SPON1: variants seen among roughly 807,000 people sequenced by gnomAD.
SPON1 encodes spondin-1.
SPON1 carries 52 observed loss-of-function variants against 111.7 expected under a neutral mutation model. The ratio of observed to expected loss-of-function variants is 0.47; its 90% CI spans 0.37 to 0.59. The LOEUF (loss-of-function observed/expected upper bound fraction) is 0.59. SPON1 is among the 20% of genes least tolerant of loss of function. SPON1 has a pLI of 0.00. For synonymous variants in SPON1, 410 were observed against 395.8 expected, an observed-to-expected ratio of 1.04 and a Z score of -0.43; for missense variants, 957 against 1,068.5, an observed-to-expected ratio of 0.90 and a Z score of 1.46.
chr11:14,060,781 T>A (rs1233354967), intron 3 of SPON1, among the ~76,000 whole-genome samples: 4 of 152,196 alleles, frequency 2.6e-5, no homozygotes, highest in African/African-American at 9.6e-5. Flanking sequence ...TAGTTATCAC[T>A]GTCATACTGG....
chr11:14,043,667 C>G (rs1468778624), intron 3 of SPON1, among the ~76,000 whole-genome samples: 1 of 152,170 alleles, frequency 6.6e-6, no homozygotes, highest in East Asian at 1.9e-4. Flanking sequence ...ATGTGAGGAG[C>G]CTTCCTGCTC....
intron 5 of SPON1, among the ~76,000 whole-genome samples, chr11:14,110,369 C>G (rs1849218091): frequency 6.6e-6 from 1 of 152,068 alleles, no homozygotes; most frequent in African/African-American, 2.4e-5. Context: ...TAAACAATTG[C>G]CTAATTGGAC....
chr11:14,263,168 T>A (rs369190413), intron 15 of SPON1, 193 bp downstream of exon 15: 4 of 603,524 alleles, frequency 6.6e-6, no homozygotes, highest in Non-Finnish European at 8.4e-6. Context: ...GCATAATTTA[T>A]AAAGGAGATT....
At chr11:14,148,944 A>AT (rs1847756417) in intron 6 of SPON1, among the ~76,000 whole-genome samples, 1 of 152,232 alleles carries the variant, frequency 6.6e-6, no homozygotes, top group Non-Finnish European at 1.5e-5. Context: ...CATGCACTGC[A>AT]TAACATTTCA....
chr11:14,144,547 T>C (rs1398823616), intron 6 of SPON1, among the ~76,000 whole-genome samples: 2 of 151,688 alleles, frequency 1.3e-5, no homozygotes, highest in African/African-American at 4.8e-5. Flanking sequence ...GGAGAATCAC[T>C]TGAACCTGGG....
intron 1 of SPON1, among the ~76,000 whole-genome samples, chr11:13,973,269 C>T (rs1221933037): frequency 6.6e-6 from 1 of 152,230 alleles, no homozygotes; most frequent in Non-Finnish European, 1.5e-5. Flanking sequence ...ATCTGGATCA[C>T]AGTCACTTTT....
chr11:14,256,885 G>A (rs1849114983), intron 10 of SPON1, among the ~76,000 whole-genome samples, 193 bp downstream of exon 10: 1 of 152,184 alleles, frequency 6.6e-6, no homozygotes, highest in South Asian at 2.1e-4. Context: ...AATTGGTGAA[G>A]ATATGACATC....
intron 2 of SPON1, among the ~76,000 whole-genome samples, chr11:14,021,022 T>C (rs1554914762): frequency 6.6e-6 from 1 of 152,180 alleles, no homozygotes; most frequent in Admixed American, 6.5e-5. Flanking sequence ...AGATTGTTTA[T>C]AAGATGTTAA....
Position 14,260,708 on chromosome 11 carries a change from A to G in SPON1, c.1952A>G (p.Asn651Ser). 1 of 1,613,998 alleles carries G rather than the reference A, an allele frequency of 6.2e-7. No individual in the cohort carries two copies. The highest frequency in any genetic ancestry group is 8.5e-7 in the Non-Finnish European group (1 of 1,179,886). ...LKSLAELGDC[N>S]EDLEQVEKCM... Reference sequence around the variant, plus strand: ...TCTCTGGCAGAACTTGGAGACTGCAATGAGGATCTGGAGCAGGTGGAGAAG... The same window carrying G: ...TCTCTGGCAGAACTTGGAGACTGCAGTGAGGATCTGGAGCAGGTGGAGAAG... The change falls in exon 14 of 16, where the codon AAT becomes AGT. Residue 651 changes from asparagine (N) to serine (S), a missense_variant. Asn to Ser is a conservative substitution (Grantham distance 46). Around this residue, in one of 5 missense-constraint regions of SPON1, gnomAD observed 549 missense variants for 606.2 expected, o/e 0.91. Transcript: ENST00000576479.
intron 3 of SPON1, among the ~76,000 whole-genome samples, chr11:14,055,346 G>C (rs1285501318): frequency 1.3e-5 from 2 of 152,212 alleles, no homozygotes; most frequent in Non-Finnish European, 2.9e-5. Flanking sequence ...ATTAAAGTTT[G>C]ATAGAGGAAC....
At chr11:14,046,873 T>C (rs1398888062) in intron 3 of SPON1, among the ~76,000 whole-genome samples, 2 of 152,244 alleles carry the variant, frequency 1.3e-5, no homozygotes, top group Non-Finnish European at 2.9e-5. Context: ...CGTATCCTTC[T>C]TAAAATTTTG....
chr11:14,030,885 A>G (rs1262059404), intron 2 of SPON1, among the ~76,000 whole-genome samples: 2 of 152,258 alleles, frequency 1.3e-5, no homozygotes, highest in African/African-American at 4.8e-5. Context: ...AAATTGTTCT[A>G]CAAAAAAGAC....
chr11:14,194,287 A>G (rs1848377786), intron 6 of SPON1, among the ~76,000 whole-genome samples: 2 of 152,162 alleles, frequency 1.3e-5, no homozygotes, highest in South Asian at 4.1e-4. Context: ...GAGTCCTTAC[A>G]CAGCATACAC....
chr11:14,155,011 GCC>G, intron 6 of SPON1, among the ~76,000 whole-genome samples: 1 of 152,308 alleles, frequency 6.6e-6, no homozygotes, highest in South Asian at 2.1e-4. Context: ...TAGCAAGAGT[GCC>G]CTTTACTCCA....
At chr11:14,238,208 C>G (rs1177186073) in intron 6 of SPON1, among the ~76,000 whole-genome samples, 1 of 152,154 alleles carries the variant, frequency 6.6e-6, no homozygotes, top group Non-Finnish European at 1.5e-5. Context: ...CTTTCCCTCT[C>G]TGATCATGGA....
rs529967520 is a variant in SPON1 at position 14,081,543 on chromosome 11, T to C, written c.676+1522T>C. Among the ~76,000 whole-genome samples the C allele has an allele frequency of 5.9e-5, 9 of 152,258 alleles. No individual in the cohort carries two copies. The East Asian group carries it at 1.5e-3, about 26-fold the overall frequency. ...GATCCAAAGGGGTTTTTCAGTCTCC[T>C]ATGCCTGCCTTTTGTTTGGGTTGCG... On this transcript the variant is annotated intron_variant, in intron 5 of 15. Coordinates refer to ENST00000576479, the MANE Select transcript of SPON1 (RefSeq NM_006108.4).
intron 3 of SPON1, among the ~76,000 whole-genome samples, chr11:14,042,179 G>A (rs1442438778): frequency 2.0e-5 from 3 of 152,072 alleles, no homozygotes; most frequent in African/African-American, 7.2e-5. Flanking sequence ...GTGATAAAAG[G>A]TATTAACCAG....
intron 6 of SPON1, among the ~76,000 whole-genome samples, chr11:14,176,177 A>T (rs1848172895): frequency 6.6e-6 from 1 of 152,092 alleles, no homozygotes; most frequent in Non-Finnish European, 1.5e-5. Context: ...GGGTTCTCTG[A>T]GTTAGGCCTG....
chr11:13,965,195 T>A (rs1222842823), intron 1 of SPON1, among the ~76,000 whole-genome samples: 10 of 152,194 alleles, frequency 6.6e-5, no homozygotes, highest in Non-Finnish European at 1.5e-4. Flanking sequence ...TCAGCTCTCC[T>A]CCAGTCCCAT....
Sources: allele counts gnomAD v4.1 joint callset (sites outside exome capture counted in the v4.1 genomes callset), GRCh38; gene constraint gnomAD v4.1.1; regional missense constraint gnomAD v4.1.1; transcripts MANE v1.5; gene names NCBI Gene and HGNC (gene_info 2026-07-23, HGNC 2026-07-21).